Variants in CHRNB1 observed in about 807,000 individuals in gnomAD.
CHRNB1 encodes cholinergic receptor nicotinic beta 1 subunit.
CHRNB1 carries 47 observed loss-of-function variants against 53.8 expected under a neutral mutation model. That is an observed-to-expected ratio of 0.87 (90% CI 0.69 to 1.11). The LOEUF (loss-of-function observed/expected upper bound fraction) is 1.11, where lower values mean the gene tolerates loss of function less well. CHRNB1 is among the 50% of genes most tolerant of loss of function. CHRNB1 has a pLI of 0.00. For synonymous variants in CHRNB1, 259 were observed against 263.5 expected (o/e 0.98, Z 0.16); for missense variants, 605 against 654.9 (o/e 0.92, Z 0.83).
chr17:7,450,838 T>A (rs916766898), intron 7 of CHRNB1, among the ~76,000 whole-genome samples: 1 of 152,182 alleles, frequency 6.6e-6, no homozygotes, highest in Admixed American at 6.5e-5. Flanking sequence ...AGACCTGATA[T>A]CCTTAGCTCT....
At chr17:7,452,589 G>C (rs751659505) in intron 7 of CHRNB1, among the ~76,000 whole-genome samples, 1 of 152,164 alleles carries the variant, frequency 6.6e-6, no homozygotes, top group Non-Finnish European at 1.5e-5. Context: ...ACATACTCAC[G>C]AGTGTGCCAT....
In CHRNB1 at chr17:7,454,621, T is replaced by A. The variant is rs140527233; in HGVS notation, c.1044+101T>A. ...TGTTGAAGTGTCCAAGCTTGTTGAG[T>A]GTTGAAATGTTGCACAGTTAAGCTA... On this transcript the variant is annotated intron_variant, in intron 8 of 10. Coordinates refer to ENST00000306071, the MANE Select transcript of CHRNB1 (RefSeq NM_000747.3). 3.4e-4 allele frequency: 315 copies of A among 917,128 alleles called. 4 individuals carry two copies. In the East Asian group the frequency reaches 7.2e-3, roughly 21 times the overall value. 56.8% of individuals were successfully genotyped at this position (917,128 alleles called of 1,614,324 possible).
In CHRNB1 at chr17:7,447,386, C is replaced by T. The variant is rs1908685570; in HGVS notation, c.463-117C>T. The T allele has an allele frequency of 2.3e-6, 3 of 1,291,410 alleles. No individual in the cohort carries two copies. The African/African-American group carries it at 4.4e-5, about 19-fold the overall frequency. The allele number at this position is 1,291,410 out of a possible 1,614,324, so 80.0% of individuals were successfully genotyped here. A position where few individuals can be genotyped will look rare whatever the true frequency, so the allele number is the denominator to read the frequency against. On this transcript the variant is annotated intron_variant, in intron 5 of 10. Coordinates refer to ENST00000306071, the MANE Select transcript of CHRNB1 (RefSeq NM_000747.3). The stretch of plus-strand genomic sequence containing the variant: ...CCCTCCCCCATTAATGGCTTCCCTT[C>T]ATAACCCTCCAATTCCTCCATGATT...
At chr17:7,446,812 C>T (rs1908652485) in intron 3 of CHRNB1, 21 bp from the exon 4 acceptor site, 1 of 1,601,090 alleles carries the variant, frequency 6.2e-7, no homozygotes, top group South Asian at 1.1e-5. Context: ...CGGGGCAGCC[C>T]CTCAGCCTCT....
intron 3 of CHRNB1, 33 bp downstream of exon 3, chr17:7,446,146 C>A: frequency 3.2e-6 from 5 of 1,586,814 alleles, no homozygotes; most frequent in Non-Finnish European, 4.3e-6. Flanking sequence ...GAAAGGGCTT[C>A]CCTCTGCCTT....
rs752778673 is a variant in CHRNB1 at position 7,454,455 on chromosome 17, G to A, written c.979G>A (p.Val327Ile). ...VLVTFSVILS[V>I]VVLNLHHRSP... is the part of the protein sequence containing the mutation. ...CGTCACCTTCTCAGTCATCCTTAGT[G>A]TCGTGGTTCTCAACCTGCACCACCG... The change falls in exon 8 of 11, where the codon GTC becomes ATC. Residue 327 changes from valine to isoleucine, a missense_variant. Coordinates refer to ENST00000306071, the MANE Select transcript of CHRNB1 (RefSeq NM_000747.3). 1 of 1,614,064 alleles carries A rather than the reference G, an allele frequency of 6.2e-7. No homozygotes were observed. Among genetic ancestry groups the A allele is most frequent in the Non-Finnish European group, 8.5e-7 (1 of 1,180,016 alleles).
At chr17:7,455,615 T>A in intron 9 of CHRNB1, 159 bp downstream of exon 9, 1 of 1,211,144 alleles carries the variant, frequency 8.3e-7, no homozygotes, top group Non-Finnish European at 1.2e-6. Context: ...AGGTGGGAAC[T>A]AAAACAGAGG....
Position 7,447,552 on chromosome 17 carries a change from C to G in CHRNB1, c.512C>G (p.Ser171Cys), listed in dbSNP as rs201453432. ...DWQNCTMVFS[S>C]YSYDSSEVSL... ...CAGAATTGCACTATGGTGTTCAGCT[C>G]CTACAGCTACGACAGCTCGGAGGTC... The change falls in exon 6 of 11, where the codon TCC (serine) becomes TGC (cysteine). Residue 171 changes from serine to cysteine, a missense_variant. Coordinates refer to ENST00000306071, the MANE Select transcript of CHRNB1 (RefSeq NM_000747.3). 12 of 1,614,206 alleles carry G rather than the reference C, an allele frequency of 7.4e-6. No homozygotes were observed. In the African/African-American group the frequency reaches 1.3e-4, roughly 18 times the overall value.
chr17:7,450,851 T>C (rs1949268598), intron 7 of CHRNB1, among the ~76,000 whole-genome samples: 1 of 152,114 alleles, frequency 6.6e-6, no homozygotes, highest in Admixed American at 6.5e-5. Context: ...TTAGCTCTGG[T>C]ATTCAAAACA....
chr17:7,448,074 CAAAAAAAA>C (rs71157286), intron 6 of CHRNB1, among the ~76,000 whole-genome samples: 2 of 16,696 alleles, frequency 1.2e-4, no homozygotes, highest in South Asian at 5.6e-3. Flanking sequence ...AAGTTCGTCT[CAAAAAAAA>C]AAAAAAAAAA....
rs1002690714 is a variant in CHRNB1 at position 7,455,953 on chromosome 17, G to T, written c.1365+12G>T. 6.2e-7 allele frequency: 1 copy of T among 1,614,076 alleles called. No homozygotes were observed. The highest frequency in any genetic ancestry group is 2.2e-5 in the East Asian group (1 of 44,884). The stretch of plus-strand genomic sequence containing the variant: ...AGGACCACGATGCGGTATGTCCAAC[G>T]GGGGTGGAACAAGGCCAGGTCTAGG... On this transcript the variant is annotated intron_variant, in intron 10 of 10. Coordinates refer to ENST00000306071, the MANE Select transcript of CHRNB1 (RefSeq NM_000747.3).
intron 7 of CHRNB1, among the ~76,000 whole-genome samples, chr17:7,449,826 C>T (rs1236271333): frequency 3.3e-5 from 5 of 151,682 alleles, no homozygotes; most frequent in East Asian, 2.0e-4. Flanking sequence ...GGGTGGATCA[C>T]GAGGTCAGGA....
Position 7,445,421 on chromosome 17 carries a change from C to G in CHRNB1, c.198+12C>G. 2 of 1,609,926 alleles carry G rather than the reference C, an allele frequency of 1.2e-6. No individual in the cohort carries two copies. Among genetic ancestry groups the G allele is most frequent in the Non-Finnish European group, 1.7e-6 (2 of 1,179,288 alleles). On this transcript the variant is annotated intron_variant, in intron 2 of 10. Transcript: ENST00000306071. This position sits in a 1 kb window ranked among gnomAD's most constrained non-coding sequence, Gnocchi z 5.7. ...AACTCATCAGCCTGGTGAGGGCGCGCGGGGGGTGGAGGTCAGGCCAGCCGA... is the reference window on the plus strand; with the variant it reads ...AACTCATCAGCCTGGTGAGGGCGCGGGGGGGGTGGAGGTCAGGCCAGCCGA...
In CHRNB1 at chr17:7,445,245, C is replaced by A. The variant is rs1230271302; in HGVS notation, c.59-25C>A. ...CAGCGGTCGTGGCCAGGCACCAGGG[C>A]TGCACTTATTCTCTCCTCCCCCAGG... On this transcript the variant is annotated intron_variant, in intron 1 of 10. Transcript: ENST00000306071. This position sits in a 1 kb window ranked among gnomAD's most constrained non-coding sequence, Gnocchi z 5.7. 6.2e-7 allele frequency: 1 copy of A among 1,612,334 alleles called. No individual in the cohort carries two copies. Among genetic ancestry groups the A allele is most frequent in the Non-Finnish European group, 8.5e-7 (1 of 1,179,610 alleles).
rs1171990426 is a variant in CHRNB1 at position 7,457,043 on chromosome 17, C to T, written c.*320C>T. On this transcript the variant is annotated 3_prime_UTR_variant, in exon 11 of 11. Transcript: ENST00000306071. ...GGTCAAGAAATGTGACTTGGCCGGG[C>T]GCGGTGGCTCACGCCTGTAATCCCA... is the stretch of plus-strand genomic sequence containing the variant. The T allele has an allele frequency of 1.2e-5, 4 of 342,830 alleles. No homozygotes were observed. Among genetic ancestry groups the T allele is most frequent in the Non-Finnish European group, 2.2e-5 (4 of 178,376 alleles). The allele number at this position is 342,830 out of a possible 1,614,324, so 21.2% of individuals were successfully genotyped here.
Position 7,445,496 on chromosome 17 carries a change from G to A in CHRNB1, c.198+87G>A. 1 of 1,559,748 alleles carries A rather than the reference G, an allele frequency of 6.4e-7. No homozygotes were observed. The highest frequency in any genetic ancestry group is 1.9e-5 in the Admixed American group (1 of 53,164). The stretch of plus-strand genomic sequence containing the variant: ...AAGGCCGGACCAGGGACAGGCTGGG[G>A]GCGGGGCCTGGGACGAGACCAGGCT... On this transcript the variant is annotated intron_variant, in intron 2 of 10. Coordinates refer to ENST00000306071, the MANE Select transcript of CHRNB1 (RefSeq NM_000747.3). This position sits in a 1 kb window ranked among gnomAD's most constrained non-coding sequence, Gnocchi z 5.7.
At chr17:7,450,123 A>G (rs1908832333) in intron 7 of CHRNB1, among the ~76,000 whole-genome samples, 1 of 151,574 alleles carries the variant, frequency 6.6e-6, no homozygotes, top group African/African-American at 2.4e-5. Context: ...GCAAAATAGG[A>G]TAACTTTTGG....
chr17:7,446,659 A>T (rs1908644781), intron 3 of CHRNB1, 174 bp from the exon 4 acceptor site: 2 of 615,688 alleles, frequency 3.2e-6, no homozygotes, highest in Non-Finnish European at 5.8e-6. Context: ...AAATTAGCTG[A>T]TGTGGATCCC....
chr17:7,449,803 G>A (rs1908815131), intron 7 of CHRNB1, among the ~76,000 whole-genome samples: 1 of 151,840 alleles, frequency 6.6e-6, no homozygotes, highest in Non-Finnish European at 1.5e-5. Context: ...CCAGCACTTT[G>A]GGAGGCCGAG....
Sources: gnomAD v4.1 joint callset for allele counts (sites outside exome capture counted in the v4.1 genomes callset) on GRCh38, gnomAD v4.1.1 for gene constraint, Gnocchi (gnomAD v3.1) non-coding constraint, MANE v1.5 for transcripts, NCBI Gene and HGNC (gene_info 2026-07-23, HGNC 2026-07-21) for gene names.